The following ERICH3 variants were observed in gnomAD, a reference collection of about 807,000 sequenced individuals.
ERICH3 encodes glutamate rich 3.
ERICH3 carries 126 observed loss-of-function variants against 131.1 expected under a neutral mutation model. That is an observed-to-expected ratio of 0.96 (90% CI 0.83 to 1.11). The LOEUF is 1.11. ERICH3 is among the 50% of genes most tolerant of loss of function. The probability of loss-of-function intolerance (pLI) is 0.00; values close to 1 mark genes in which losing one functional copy is unlikely to be tolerated. For synonymous variants in ERICH3, 695 were observed against 644.6 expected (o/e 1.08, Z -1.18); for missense variants, 2,050 against 1,810.7 (o/e 1.13, Z -2.40).
At chr1:74,603,814 C>G (rs1648259991) in intron 10 of ERICH3, among the ~76,000 whole-genome samples, 1 of 151,856 alleles carries the variant, frequency 6.6e-6, no homozygotes, top group Non-Finnish European at 1.5e-5. Flanking sequence ...ATCATCTGAG[C>G]CTTAACTGGT....
At chr1:74,599,170 A>G (rs1054174187) in intron 11 of ERICH3, among the ~76,000 whole-genome samples, 4 of 152,010 alleles carry the variant, frequency 2.6e-5, no homozygotes, top group Non-Finnish European at 4.4e-5. Flanking sequence ...TTCCTTCCAA[A>G]CAATTTGTTA....
At position 74,572,253 on chromosome 1, in the gene ERICH3, C is replaced by A; in HGVS notation, c.3457G>T (p.Val1153Leu). ...GGCGTTGCTTCAAATATGGGAACCACTGTCTCTTTTAGTGAATCTTCTCCT... is the reference window on the plus strand; with the variant it reads ...GGCGTTGCTTCAAATATGGGAACCAATGTCTCTTTTAGTGAATCTTCTCCT... ...LLGEDSLKETVVPIFEATPGF... is the reference protein window; with the variant it reads ...LLGEDSLKETLVPIFEATPGF... Residue 1153 changes from valine (V) to leucine (L), a missense_variant, in exon 14 of 15, where the codon GTG (valine) becomes TTG (leucine). By Grantham distance (32) the Val-to-Leu change is conservative (BLOSUM62 1). Transcript: ENST00000326665. 6.2e-7 allele frequency: 1 copy of A among 1,614,112 alleles called. No homozygotes were observed. The highest frequency in any genetic ancestry group is 8.5e-7 in the Non-Finnish European group (1 of 1,180,022).
intron 8 of ERICH3, among the ~76,000 whole-genome samples, chr1:74,614,138 T>G (rs1422224458): frequency 6.6e-6 from 1 of 152,128 alleles, no homozygotes; most frequent in Non-Finnish European, 1.5e-5. Context: ...CTAACAAGTT[T>G]CAGGTGATGC....
At chr1:74,601,731 C>T (rs1283979640) in intron 10 of ERICH3, among the ~76,000 whole-genome samples, 2 of 151,794 alleles carry the variant, frequency 1.3e-5, no homozygotes, top group Admixed American at 6.6e-5. Flanking sequence ...TGGATTGCTG[C>T]AATTCCATCC....
In ERICH3 at chr1:74,571,165, T is replaced by C; in HGVS notation, c.4545A>G (p.Gln1515=). The C allele has an allele frequency of 6.2e-7, 1 of 1,614,072 alleles. No individual in the cohort carries two copies. Among genetic ancestry groups the C allele is most frequent in the Non-Finnish European group, 8.5e-7 (1 of 1,179,990 alleles). ...ETREKQQHMV[Q]GESETADVSP... is the part of the protein sequence containing the mutation. Reference sequence around the variant, plus strand: ...AAACATCTGCAGTCTCGCTTTCTCCTTGCACCATATGCTGTTGCTTCTCTC... The same window carrying C: ...AAACATCTGCAGTCTCGCTTTCTCCCTGCACCATATGCTGTTGCTTCTCTC... Residue 1515 remains glutamine (Q), a synonymous_variant, in exon 14 of 15, where the codon CAA becomes CAG. Coordinates refer to ENST00000326665, the MANE Select transcript of ERICH3 (RefSeq NM_001002912.5).
intron 1 of ERICH3, among the ~76,000 whole-genome samples, chr1:74,664,802 G>C (rs974216402): frequency 6.6e-6 from 1 of 152,168 alleles, no homozygotes; most frequent in African/African-American, 2.4e-5. Context: ...GCACTGAGAG[G>C]TAGGAAGTAA....
rs148140757 is a variant in ERICH3 at position 74,572,924 on chromosome 1, T to C, written c.2786A>G (p.Glu929Gly). Residue 929 changes from glutamate to glycine, a missense_variant, in exon 14 of 15, where the codon GAG (glutamate) becomes GGG (glycine). Coordinates refer to ENST00000326665, the MANE Select transcript of ERICH3 (RefSeq NM_001002912.5). ...CACCCCACCCTCAGCCTCTCCCTCC[T>C]CCGATGTCGCTGCCTCTCTCAGGGC... ...VAALREAATS[E>G]EGEAEGGVAV... 1.6e-4 allele frequency: 265 copies of C among 1,613,906 alleles called. No homozygotes were observed. The highest frequency in any genetic ancestry group is 3.1e-5 in the Non-Finnish European group (36 of 1,179,962).
rs773667959 is a variant in ERICH3, at chr1:74,606,630, T to G, written c.1460A>C (p.Glu487Ala). 8.7e-6 allele frequency: 14 copies of G among 1,610,496 alleles called. No homozygotes were observed. The Admixed American group carries it at 2.0e-4, about 23-fold the overall frequency. Reference protein sequence around the residue: ...SKGKPGQEVLEDDQENTLKYE... With the variant: ...SKGKPGQEVLADDQENTLKYE... ...TTTTAAAGTATTTTCCTGGTCGTCT[T>G]CCAAGACTTCTTGTCCTGGTTTTCC... is the stretch of plus-strand genomic sequence containing the variant. Residue 487 changes from glutamate (E) to alanine (A), a missense_variant, in exon 10 of 15, where the codon GAA (glutamate) becomes GCA (alanine). Physicochemically the swap from Glu to Ala is moderately radical, Grantham distance 107. Transcript: ENST00000326665.
Position 74,606,677 on chromosome 1 carries a change from A to G in ERICH3, c.1413T>C (p.Ala471=). 3 of 1,613,208 alleles carry G rather than the reference A, an allele frequency of 1.9e-6. No homozygotes were observed. Among genetic ancestry groups the G allele is most frequent in the Non-Finnish European group, 2.5e-6 (3 of 1,179,440 alleles). ...TTCCTTTACTTGTCATTTCCTCCACAGCAGTTACCACTTCTTTGAGCCCTG... is the reference window on the plus strand; with the variant it reads ...TTCCTTTACTTGTCATTTCCTCCACGGCAGTTACCACTTCTTTGAGCCCTG... ...IKTGLKEVVT[A]VEEMTSKGKP... The change falls in exon 10 of 15, where the codon GCT becomes GCC. Residue 471 remains alanine, a synonymous_variant. Coordinates refer to ENST00000326665, the MANE Select transcript of ERICH3 (RefSeq NM_001002912.5).
intron 8 of ERICH3, chr1:74,615,278 G>A (rs542891039): frequency 6.6e-6 from 1 of 152,174 alleles, no homozygotes; most frequent in African/African-American, 2.4e-5. Context: ...AAATTAGAAG[G>A]TTTTGGTCCA....
At chr1:74,578,852 G>T (rs1312515873) in intron 12 of ERICH3, among the ~76,000 whole-genome samples, 1 of 152,092 alleles carries the variant, frequency 6.6e-6, no homozygotes, top group Non-Finnish European at 1.5e-5. Context: ...TCTGTATTTG[G>T]AAACGAATAG....
chr1:74,631,381 A>T (rs548815629), intron 7 of ERICH3, among the ~76,000 whole-genome samples: 26 of 152,276 alleles, frequency 1.7e-4, no homozygotes, highest in African/African-American at 6.3e-4. Context: ...CTGAATTTTT[A>T]CAACTTAGAT....
chr1:74,606,915 T>C lies in ERICH3; in HGVS notation c.1188-13A>G. On this transcript the variant is annotated splice_polypyrimidine_tract_variant and intron_variant, in intron 9 of 14. Coordinates refer to ENST00000326665, the MANE Select transcript of ERICH3 (RefSeq NM_001002912.5). ...TGCAATAATGCACCTATGAAAAATATTAGCAGGAAGTGTTTGTTAACCCTT... is the reference window on the plus strand; with the variant it reads ...TGCAATAATGCACCTATGAAAAATACTAGCAGGAAGTGTTTGTTAACCCTT... 6.2e-7 allele frequency: 1 copy of C among 1,603,942 alleles called. No homozygotes were observed. Among genetic ancestry groups the C allele is most frequent in the Non-Finnish European group, 8.5e-7 (1 of 1,175,428 alleles).
intron 10 of ERICH3, among the ~76,000 whole-genome samples, chr1:74,606,371 T>C (rs1490106580): frequency 6.6e-6 from 1 of 151,880 alleles, no homozygotes; most frequent in African/African-American, 2.4e-5. Flanking sequence ...TTCTCTCTCC[T>C]CATCTCTGCA....
chr1:74,577,238 G>C, intron 12 of ERICH3: 1 of 126,332 alleles, frequency 7.9e-6, no homozygotes. Context: ...CTATTCCTTA[G>C]TTGAAAGAAA....
intron 1 of ERICH3, among the ~76,000 whole-genome samples, chr1:74,661,146 T>C (rs1646638018): frequency 6.6e-6 from 1 of 152,106 alleles, no homozygotes; most frequent in Non-Finnish European, 1.5e-5. Context: ...GTAATTCTTA[T>C]GAGCAGTAGT....
chr1:74,668,537 AT>A (rs1038137126), intron 1 of ERICH3, among the ~76,000 whole-genome samples: 2 of 152,216 alleles, frequency 1.3e-5, no homozygotes, highest in African/African-American at 2.4e-5. Context: ...CATCAAAAAC[AT>A]TTTTTGTGTC....
At chr1:74,592,000 T>A (rs1647629710) in intron 11 of ERICH3, 2 of 152,198 alleles carry the variant, frequency 1.3e-5, no homozygotes, top group South Asian at 2.1e-4. Context: ...TTTGCGCTTA[T>A]CCTCTTCTCT....
chr1:74,655,470 T>C (rs1387289376), intron 1 of ERICH3, among the ~76,000 whole-genome samples: 1 of 152,176 alleles, frequency 6.6e-6, no homozygotes, highest in Non-Finnish European at 1.5e-5. Flanking sequence ...GCCCTTTCCA[T>C]TGCCAAATGC....
Sources: allele counts gnomAD v4.1 joint callset (sites outside exome capture counted in the v4.1 genomes callset), GRCh38; gene constraint gnomAD v4.1.1; transcripts MANE v1.5; gene names NCBI Gene and HGNC (gene_info 2026-07-23, HGNC 2026-07-21).